Variants in ATL2 observed in about 807,000 individuals in gnomAD.
ATL2 encodes the protein atlastin GTPase 2, also known as atlastin-2.
A neutral mutation model predicts 73.9 loss-of-function variants in ATL2; 31 were observed. The ratio of observed to expected loss-of-function variants is 0.42; its 90% confidence interval spans 0.32 to 0.57. The LOEUF is 0.57. ATL2 is among the 20% of genes least tolerant of loss of function. ATL2 has a pLI of 0.14. For missense variants in ATL2, 738 were observed against 702.6 expected (o/e 1.05, Z -0.57); for synonymous variants, 291 against 237.5 (o/e 1.23, Z -2.07).
rs1429239950 is a variant in ATL2, at chr2:38,295,137, ACAGG to A, written c.*853_*856del. The A allele has an allele frequency of 6.6e-6, 1 of 152,204 alleles. No individual in the cohort carries two copies. The highest frequency in any genetic ancestry group is 6.5e-5 in the Admixed American group (1 of 15,270). The allele number at this position is 152,204 out of a possible 1,614,324, so 9.4% of individuals were successfully genotyped here. On this transcript the variant is annotated 3_prime_UTR_variant, in exon 13 of 13. Coordinates refer to ENST00000378954, the MANE Select transcript of ATL2 (RefSeq NM_001135673.4). ...AGGGACAGTACTTATTTAGCCTACC[ACAGG>A]ACCAGATTTTGCCATAAACTACAAA... is the stretch of plus-strand genomic sequence containing the variant.
intron 2 of ATL2, among the ~76,000 whole-genome samples, chr2:38,325,759 C>CACA (rs1668620605): frequency 7.1e-6 from 1 of 141,224 alleles, no homozygotes; most frequent in Admixed American, 7.0e-5. Flanking sequence ...CACACACACA[C>CACA]ACCAGTCCCC....
At chr2:38,374,253 G>T (rs1671843788) in intron 1 of ATL2, among the ~76,000 whole-genome samples, 1 of 152,174 alleles carries the variant, frequency 6.6e-6, no homozygotes, top group Non-Finnish European at 1.5e-5. Flanking sequence ...GTGCTGTGTG[G>T]AGGACTAACG....
rs1666848716 is a variant in ATL2 at position 38,295,582 on chromosome 2, A to G, written c.*412T>C. 6.5e-6 allele frequency: 1 copy of G among 154,250 alleles called. No individual in the cohort carries two copies. Among genetic ancestry groups the G allele is most frequent in the Non-Finnish European group, 1.4e-5 (1 of 69,538 alleles). 9.6% of individuals were successfully genotyped at this position (154,250 alleles called of 1,614,324 possible). On this transcript the variant is annotated 3_prime_UTR_variant, in exon 13 of 13. Coordinates refer to ENST00000378954, the MANE Select transcript of ATL2 (RefSeq NM_001135673.4). ...CAATAAAGGCTTCATTGTCTTTCCA[A>G]TCTGGTTCTTGAAACAGTGATTCAT... is the stretch of plus-strand genomic sequence containing the variant.
At chr2:38,371,889 T>C (rs1323929257) in intron 1 of ATL2, among the ~76,000 whole-genome samples, 1 of 152,114 alleles carries the variant, frequency 6.6e-6, no homozygotes, top group Non-Finnish European at 1.5e-5. Context: ...AGAGGGAGGC[T>C]CTGTCTCAAA....
chr2:38,342,879 T>G (rs914264387), intron 2 of ATL2, among the ~76,000 whole-genome samples: 1 of 151,722 alleles, frequency 6.6e-6, no homozygotes, highest in African/African-American at 2.4e-5. Flanking sequence ...TACATTACTG[T>G]ATTGACCAGG....
At chr2:38,312,754 C>A (rs1457345721) in intron 7 of ATL2, among the ~76,000 whole-genome samples, 1 of 151,830 alleles carries the variant, frequency 6.6e-6, no homozygotes, top group African/African-American at 2.4e-5. Flanking sequence ...CTTCACCATC[C>A]GCCATGATTG....
At chr2:38,319,128 C>A in intron 2 of ATL2, 109 bp from the exon 3 acceptor site, 6 of 1,151,136 alleles carry the variant, frequency 5.2e-6, no homozygotes, top group Admixed American at 4.5e-5. Flanking sequence ...CCCGGAAAGA[C>A]AAAAAAAACA....
chr2:38,320,191 C>A (rs935209159), intron 2 of ATL2, among the ~76,000 whole-genome samples: 2 of 152,140 alleles, frequency 1.3e-5, no homozygotes, highest in Non-Finnish European at 2.9e-5. Flanking sequence ...CTATTTAAAA[C>A]GTCTTTTTTA....
intron 2 of ATL2, among the ~76,000 whole-genome samples, chr2:38,339,119 G>C (rs555761020): frequency 6.6e-6 from 1 of 152,160 alleles, no homozygotes; most frequent in South Asian, 2.1e-4. Flanking sequence ...AGGAGGCTGA[G>C]GCGAGATAAT....
chr2:38,300,880 GAA>G (rs60232727), intron 9 of ATL2, among the ~76,000 whole-genome samples: 8 of 103,466 alleles, frequency 7.7e-5, no homozygotes, highest in African/African-American at 2.2e-4. Flanking sequence ...GCTCAAGAAG[GAA>G]AAAAAAAAAA....
chr2:38,338,667 T>TG (rs964695190), intron 2 of ATL2, among the ~76,000 whole-genome samples: 1 of 152,132 alleles, frequency 6.6e-6, no homozygotes, highest in African/African-American at 2.4e-5. Flanking sequence ...TCTTTGAGGT[T>TG]GGGGTGGAAT....
At chr2:38,340,606 G>C (rs754275042) in intron 2 of ATL2, among the ~76,000 whole-genome samples, 2 of 151,348 alleles carry the variant, frequency 1.3e-5, no homozygotes, top group Non-Finnish European at 2.9e-5. Flanking sequence ...AACTTAAACT[G>C]TCAGTATGTC....
Position 38,350,867 on chromosome 2 carries a change from C to T in ATL2, c.119-7355G>A, listed in dbSNP as rs191384982. On this transcript the variant is annotated intron_variant, in intron 1 of 12. Coordinates refer to ENST00000378954, the MANE Select transcript of ATL2 (RefSeq NM_001135673.4). The stretch of plus-strand genomic sequence containing the variant: ...CAAATTCAGACACTCAGCATGTATT[C>T]CAACAGCAAAATTTACACTTCAGGG... Among the ~76,000 whole-genome samples, 9 of 152,196 alleles carry T rather than the reference C, an allele frequency of 5.9e-5. No homozygotes were observed. In the East Asian group the frequency reaches 1.3e-3, roughly 23 times the overall value.
Position 38,372,120 on chromosome 2 carries a change from ATTGT to A in ATL2, c.118+5019_118+5022del, listed in dbSNP as rs1312435028. 2.0e-4 allele frequency among the ~76,000 whole-genome samples: 21 copies of A among 106,752 alleles called. No individual in the cohort carries two copies. The East Asian group carries it at 4.6e-3, about 23-fold the overall frequency. The allele number at this position is 106,752 out of a possible 152,430, so 70.0% of individuals were successfully genotyped here. ...TCACTGTTAGTATGGTTTCATGTTA[ATTGT>A]TTTTTTTTTTTTTTTTGGCAATCCT... On this transcript the variant is annotated intron_variant, in intron 1 of 12. Transcript: ENST00000378954.
At chr2:38,319,615 A>AAAG (rs1553333125) in intron 2 of ATL2, among the ~76,000 whole-genome samples, 68 of 149,498 alleles carry the variant, frequency 4.5e-4, no homozygotes, top group Non-Finnish European at 4.1e-4. Context: ...AAAAAAAAAA[A>AAAG]AGAGAGAGAG....
At chr2:38,324,645 C>T (rs917979325) in intron 2 of ATL2, among the ~76,000 whole-genome samples, 1 of 152,124 alleles carries the variant, frequency 6.6e-6, no homozygotes, top group Non-Finnish European at 1.5e-5. Flanking sequence ...TATGACTGAC[C>T]CAAGTCATGA....
rs1298637890 is a variant in ATL2, at chr2:38,369,858, A to T, written c.118+7285T>A. Among the ~76,000 whole-genome samples the T allele has an allele frequency of 4.8e-5, 7 of 146,186 alleles. No individual in the cohort carries two copies. In the South Asian group the frequency reaches 6.3e-4, roughly 13 times the overall value. On this transcript the variant is annotated intron_variant, in intron 1 of 12. Coordinates refer to ENST00000378954, the MANE Select transcript of ATL2 (RefSeq NM_001135673.4). Reference sequence around the variant, plus strand: ...CAAAACTCCTCTCGGATTTGTCATTAAAAAAAATCAAAGCCGGGCGCGGTG... The same window carrying T: ...CAAAACTCCTCTCGGATTTGTCATTTAAAAAAATCAAAGCCGGGCGCGGTG...
At position 38,314,639 on chromosome 2, in the gene ATL2, G is replaced by A. The variant is rs767917005; in HGVS notation, c.680C>T (p.Ala227Val). The A allele has an allele frequency of 5.0e-6, 8 of 1,597,798 alleles. 1 individual carries two copies. The highest frequency in any genetic ancestry group is 2.2e-5 in the South Asian group (2 of 90,414). The change falls in exon 6 of 13, where the codon GCG becomes GTG. Residue 227 changes from alanine to valine, a missense_variant. Ala to Val is a moderately conservative substitution (Grantham distance 64). Transcript: ENST00000378954. ...LQLFTEYGRL[A>V]MEEIYQKPFQ... ...TGGTTTCTGGTAGATTTCTTCCATC[G>A]CAAGTCTTCCATACTCTGTAAATAA...
At chr2:38,338,872 G>A (rs1669529372) in intron 2 of ATL2, among the ~76,000 whole-genome samples, 1 of 152,140 alleles carries the variant, frequency 6.6e-6, no homozygotes, top group Non-Finnish European at 1.5e-5. Context: ...TGACAGAAAT[G>A]TAAGACAAAC....
Sources: allele counts gnomAD v4.1 joint callset (sites outside exome capture counted in the v4.1 genomes callset), GRCh38; gene constraint gnomAD v4.1.1; transcripts MANE v1.5; gene names NCBI Gene and HGNC (gene_info 2026-07-23, HGNC 2026-07-21).